The following GBP2 variants were observed in gnomAD, a reference collection of about 807,000 sequenced individuals.
GBP2 encodes guanylate binding protein 2.
Under a neutral mutation model 60.8 loss-of-function variants are expected in GBP2, and 54 were observed. The ratio of observed to expected loss-of-function variants is 0.89; its 90% CI spans 0.71 to 1.11. The LOEUF (loss-of-function observed/expected upper bound fraction) is 1.11. GBP2 is among the 50% of genes most tolerant of loss of function. The probability of loss-of-function intolerance (pLI) is 0.00; values close to 1 mark genes in which losing one functional copy is unlikely to be tolerated. For missense variants in GBP2, 665 were observed against 703.3 expected (o/e 0.95, Z 0.62); for synonymous variants, 243 against 256.5 (o/e 0.95, Z 0.50).
intron 8 of GBP2, among the ~76,000 whole-genome samples, chr1:89,110,883 T>C (rs544624421): frequency 2.6e-5 from 4 of 152,298 alleles, no homozygotes; most frequent in African/African-American, 9.6e-5. Flanking sequence ...ATATCTCTAA[T>C]GAAAATTGAT....
intron 8 of GBP2, 90 bp from the exon 9 acceptor site, chr1:89,110,356 T>TA: frequency 3.2e-6 from 3 of 924,010 alleles, no homozygotes; most frequent in Non-Finnish European, 5.1e-6. Context: ...CAGAGGAAAA[T>TA]AAGTCATTAC....
chr1:89,119,429 T>A (rs1681351182), intron 4 of GBP2: 1 of 152,142 alleles, frequency 6.6e-6, no homozygotes, highest in Non-Finnish European at 1.5e-5. Flanking sequence ...TGAACTAGGT[T>A]AAGTAATGTG....
In GBP2 at chr1:89,110,264, G is replaced by A. The variant is rs757583481; in HGVS notation, c.1365C>T (p.Ala455=). The part of the protein sequence containing the change: ...YYQVPRKGIQ[A]KEVLKKYLES... Reference sequence around the variant, plus strand: ...CCAAATATTTTTTCAGCACCTCTTTGGCCTGGTTATACAGAGAAAGGTAGA... The same window carrying A: ...CCAAATATTTTTTCAGCACCTCTTTAGCCTGGTTATACAGAGAAAGGTAGA... The change falls in exon 9 of 11, where the codon GCC becomes GCT. Residue 455 remains alanine (A), a splice_region_variant and synonymous_variant. Transcript: ENST00000370466. 2 of 1,611,412 alleles carry A rather than the reference G, an allele frequency of 1.2e-6. No homozygotes were observed. The highest frequency in any genetic ancestry group is 8.5e-7 in the Non-Finnish European group (1 of 1,177,870).
At chr1:89,120,651 C>G (rs1570323174) in intron 3 of GBP2, among the ~76,000 whole-genome samples, 1 of 152,046 alleles carries the variant, frequency 6.6e-6, no homozygotes, top group Non-Finnish European at 1.5e-5. Flanking sequence ...AAAATAAGCT[C>G]CTTTAATAAA....
chr1:89,113,089 C>T (rs1360730276), intron 7 of GBP2: 1 of 220,896 alleles, frequency 4.5e-6, no homozygotes, highest in Non-Finnish European at 9.1e-6. Context: ...ACTGAGGATT[C>T]CTTGTCTGTG....
intron 10 of GBP2, 83 bp from the exon 11 acceptor site, chr1:89,108,374 C>T: frequency 1.3e-6 from 1 of 793,608 alleles, no homozygotes; most frequent in Non-Finnish European, 2.1e-6. Flanking sequence ...TTATATTGAT[C>T]CTTCAAGAAT....
At position 89,114,604 on chromosome 1, in the gene GBP2, T is replaced by C. The variant is rs1159737712; in HGVS notation, c.869-308A>G. ...TCTATTCCCTTTCTCTCTTCACTACTAATTTATGAAAAAAGTCAATGAGAA... is the reference window on the plus strand; with the variant it reads ...TCTATTCCCTTTCTCTCTTCACTACCAATTTATGAAAAAAGTCAATGAGAA... On this transcript the variant is annotated intron_variant, in intron 6 of 10. Transcript: ENST00000370466. 2.0e-5 allele frequency among the ~76,000 whole-genome samples: 3 copies of C among 152,244 alleles called. No homozygotes were observed. The East Asian group carries it at 5.8e-4, about 29-fold the overall frequency.
At position 89,121,792 on chromosome 1, in the gene GBP2, C is replaced by T. The variant is rs1461703711; in HGVS notation, c.175G>A (p.Ala59Thr). 5.0e-6 allele frequency: 8 copies of T among 1,613,848 alleles called. No individual in the cohort carries two copies. Among genetic ancestry groups the T allele is most frequent in the Non-Finnish European group, 6.8e-6 (8 of 1,179,824 alleles). ...TGKSYLMNKL[A>T]GKKNGFSLGS... ...TGTCACTCACCGTTTTTCTTCCCAG[C>T]CAGCTTGTTCATCAGGTAGGATTTG... Residue 59 changes from alanine (A) to threonine (T), a missense_variant, in exon 2 of 11, where the codon GCT (alanine) becomes ACT (threonine). Ala to Thr is a moderately conservative substitution (Grantham distance 58). Coordinates refer to ENST00000370466, the MANE Select transcript of GBP2 (RefSeq NM_004120.5).
Position 89,112,647 on chromosome 1 carries a change from T to C in GBP2, c.1187A>G (p.Gln396Arg). The change falls in exon 8 of 11, where the codon CAG (glutamine) becomes CGG (arginine). Residue 396 changes from glutamine (Q) to arginine (R), a missense_variant. Transcript: ENST00000370466. ...ACAATCTGATGATGCTTTGGAATTC[T>C]GCTTACAAAAGTCATCTCGCCTTGC... ...LEARRDDFCK[Q>R]NSKASSDCCM... 1.2e-6 allele frequency: 2 copies of C among 1,614,220 alleles called. No individual in the cohort carries two copies. Among genetic ancestry groups the C allele is most frequent in the Non-Finnish European group, 1.7e-6 (2 of 1,180,034 alleles).
chr1:89,113,374 C>G (rs1302335891), intron 7 of GBP2, among the ~76,000 whole-genome samples: 1 of 152,214 alleles, frequency 6.6e-6, no homozygotes, highest in African/African-American at 2.4e-5. Context: ...AACTATGAAG[C>G]TTTCTCTTTC....
At chr1:89,115,411 A>G (rs1356395838) in intron 6 of GBP2, among the ~76,000 whole-genome samples, 1 of 152,180 alleles carries the variant, frequency 6.6e-6, no homozygotes, top group African/African-American at 2.4e-5. Flanking sequence ...AAAGATATGT[A>G]TAAACATAAA....
In GBP2 at chr1:89,112,419, T is replaced by C. The variant is rs1681184949; in HGVS notation, c.1362+53A>G. 16 of 1,520,486 alleles carry C rather than the reference T, an allele frequency of 1.1e-5. No individual in the cohort carries two copies. The South Asian group carries it at 1.8e-4, about 17-fold the overall frequency. 94.2% of individuals were successfully genotyped at this position (1,520,486 alleles called of 1,614,324 possible). On this transcript the variant is annotated intron_variant, in intron 8 of 10. Coordinates refer to ENST00000370466, the MANE Select transcript of GBP2 (RefSeq NM_004120.5). ...CATTTACCTTCTTCCCAGTGGGCTT[T>C]AAAAGCATCCCCTCAGCGAGTCCCA... is the stretch of plus-strand genomic sequence containing the variant.
chr1:89,121,977 T>G lies in GBP2; in HGVS notation c.-11A>C, dbSNP rs1681410508. On this transcript the variant is annotated 5_prime_UTR_variant, in exon 2 of 11. Transcript: ENST00000370466. ...GATCTCTGGAGCCATGTCCAGGGTG[T>G]TGTTCCCTTGTGTGCAAGGAAAAAG... The G allele has an allele frequency of 6.3e-7, 1 of 1,597,104 alleles. No individual in the cohort carries two copies. Among genetic ancestry groups the G allele is most frequent in the Non-Finnish European group, 8.5e-7 (1 of 1,170,144 alleles).
chr1:89,109,636 G>A (rs1193704220), intron 10 of GBP2, 41 bp downstream of exon 10: 1 of 1,569,982 alleles, frequency 6.4e-7, no homozygotes, highest in Non-Finnish European at 8.7e-7. Context: ...TTTTCGATAT[G>A]GGGCACTGGA....
At chr1:89,123,864 C>T (rs1000932447) in intron 1 of GBP2, among the ~76,000 whole-genome samples, 4 of 152,216 alleles carry the variant, frequency 2.6e-5, no homozygotes, top group Non-Finnish European at 5.9e-5. Context: ...CCCATTCCAT[C>T]TGTCTTTCTA....
At position 89,110,228 on chromosome 1, in the gene GBP2, C is replaced by T; in HGVS notation, c.1401G>A (p.Glu467=). The T allele has an allele frequency of 6.2e-7, 1 of 1,613,830 alleles. No homozygotes were observed. The highest frequency in any genetic ancestry group is 8.5e-7 in the Non-Finnish European group (1 of 1,179,868). The part of the protein sequence containing the change: ...EVLKKYLESK[E]DVADALLQTD... Reference sequence around the variant, plus strand: ...TCTGTAGAAGTGCATCAGCCACATCCTCCTTGGACTCCAAATATTTTTTCA... The same window carrying T: ...TCTGTAGAAGTGCATCAGCCACATCTTCCTTGGACTCCAAATATTTTTTCA... Residue 467 remains glutamate, a synonymous_variant, in exon 9 of 11, where the codon GAG becomes GAA. Transcript: ENST00000370466.
In GBP2 at chr1:89,117,726, C is replaced by G; in HGVS notation, c.476G>C (p.Gly159Ala). The change falls in exon 5 of 11, where the codon GGT becomes GCT. Residue 159 changes from glycine (G) to alanine (A), a missense_variant. Transcript: ENST00000370466. ...TDRIKANSSP[G>A]NNSVDDSADF... is the part of the protein sequence containing the mutation. ...AGCTGAGTCGTCTACAGAATTGTTACCAGGTGAGGAGTTTGCCTTGATTCG... is the reference window on the plus strand; with the variant it reads ...AGCTGAGTCGTCTACAGAATTGTTAGCAGGTGAGGAGTTTGCCTTGATTCG... 1 of 1,613,972 alleles carries G rather than the reference C, an allele frequency of 6.2e-7. No homozygotes were observed. Among genetic ancestry groups the G allele is most frequent in the Non-Finnish European group, 8.5e-7 (1 of 1,179,938 alleles).
In GBP2 at chr1:89,108,027, ACT is replaced by A; in HGVS notation, c.*146_*147del. On this transcript the variant is annotated 3_prime_UTR_variant, in exon 11 of 11. Coordinates refer to ENST00000370466, the MANE Select transcript of GBP2 (RefSeq NM_004120.5). ...AACATTGACCTCATACTTAACCTTTACTTTGCAAACTTTATGGTTCAACAAAA... is the reference window on the plus strand; with the variant it reads ...AACATTGACCTCATACTTAACCTTTATTGCAAACTTTATGGTTCAACAAAA... 1 of 617,954 alleles carries A rather than the reference ACT, an allele frequency of 1.6e-6. No homozygotes were observed. The highest frequency in any genetic ancestry group is 2.6e-5 in the Admixed American group (1 of 37,808). The allele number at this position is 617,954 out of a possible 1,614,324, so 38.3% of individuals were successfully genotyped here. A position where few individuals can be genotyped will look rare whatever the true frequency, so the allele number is the denominator to read the frequency against.
chr1:89,108,393 A>G (rs1184137602), intron 10 of GBP2, 102 bp from the exon 11 acceptor site: 4 of 675,762 alleles, frequency 5.9e-6, no homozygotes, highest in South Asian at 3.7e-5. Flanking sequence ...ATTTTTGACT[A>G]TCACTCTCTT....
Sources: gnomAD v4.1 joint callset for allele counts (sites outside exome capture counted in the v4.1 genomes callset) on GRCh38, gnomAD v4.1.1 for gene constraint, MANE v1.5 for transcripts, NCBI Gene and HGNC (gene_info 2026-07-23, HGNC 2026-07-21) for gene names.